Variants in CSMD3 observed in about 807,000 individuals in gnomAD.
The protein encoded by CSMD3 is CUB and sushi domain-containing protein 3.
Under a neutral mutation model 435.2 loss-of-function variants are expected in CSMD3, and 177 were observed. The observed-to-expected ratio is 0.41, with a 90% CI of 0.36 to 0.46. The LOEUF (loss-of-function observed/expected upper bound fraction) is 0.46. Ranked by LOEUF, CSMD3 falls within the 20% of genes least tolerant of loss-of-function variation. The pLI is 0.34. For missense variants in CSMD3, 4,265 were observed against 4,504.6 expected, an observed-to-expected ratio of 0.95 and a Z score of 1.52; for synonymous variants, 1,656 against 1,520.5, an observed-to-expected ratio of 1.09 and a Z score of -2.07.
chr8:112,604,430 T>G (rs1047340139), intron 22 of CSMD3, among the ~76,000 whole-genome samples: 6 of 151,952 alleles, frequency 3.9e-5, no homozygotes, highest in Non-Finnish European at 7.4e-5. Flanking sequence ...GATATAAAAA[T>G]AGAAATACAG....
intron 3 of CSMD3, among the ~76,000 whole-genome samples, chr8:113,248,936 A>C (rs2132286828): frequency 6.6e-6 from 1 of 152,088 alleles, no homozygotes; most frequent in South Asian, 2.1e-4. Flanking sequence ...TTCATATGAT[A>C]TATTAAGTCA....
At chr8:113,402,954 C>T (rs1358321492) in intron 1 of CSMD3, among the ~76,000 whole-genome samples, 1 of 151,072 alleles carries the variant, frequency 6.6e-6, no homozygotes. Flanking sequence ...AGTTATAAAT[C>T]AAGTGCACTA....
intron 40 of CSMD3, 34 bp downstream of exon 40, chr8:112,351,141 T>G (rs1203627805): frequency 7.9e-7 from 1 of 1,266,782 alleles, no homozygotes; most frequent in South Asian, 1.2e-5. Context: ...CACTTTAAGT[T>G]CTAGGGTAAA....
chr8:112,650,399 G>A (rs1415529501), intron 18 of CSMD3, 50 bp from the exon 19 acceptor site: 4 of 1,439,846 alleles, frequency 2.8e-6, no homozygotes, highest in South Asian at 1.1e-5. Flanking sequence ...GGGATTTGGA[G>A]TTGCTGAAAA....
chr8:113,431,875 A>G (rs2130085904), intron 1 of CSMD3, among the ~76,000 whole-genome samples: 1 of 152,308 alleles, frequency 6.6e-6, no homozygotes, highest in South Asian at 2.1e-4. Flanking sequence ...TTTTGTAGAC[A>G]CCAAATTTTG....
intron 10 of CSMD3, among the ~76,000 whole-genome samples, chr8:112,887,646 T>G (rs1287630797): frequency 6.6e-6 from 1 of 151,564 alleles, no homozygotes; most frequent in Non-Finnish European, 1.5e-5. Context: ...GTGTATTATT[T>G]TATAGTATGG....
chr8:112,878,925 G>C (rs181123566), intron 10 of CSMD3, among the ~76,000 whole-genome samples: 1 of 152,002 alleles, frequency 6.6e-6, no homozygotes, highest in East Asian at 1.9e-4. Flanking sequence ...CGTTATCTTC[G>C]TAAGCTGAGG....
chr8:112,665,932 A>G (rs1454080348), intron 17 of CSMD3, among the ~76,000 whole-genome samples: 1 of 152,078 alleles, frequency 6.6e-6, no homozygotes, highest in Non-Finnish European at 1.5e-5. Flanking sequence ...TGTTTACAGC[A>G]CCTTCGCCTC....
intron 3 of CSMD3, among the ~76,000 whole-genome samples, chr8:113,230,337 A>C (rs534053955): frequency 6.6e-6 from 1 of 151,712 alleles, no homozygotes; most frequent in East Asian, 1.9e-4. Context: ...AACACTAAGT[A>C]AATTTCCTTT....
intron 28 of CSMD3, among the ~76,000 whole-genome samples, chr8:112,511,752 T>A (rs1563639832): frequency 6.6e-6 from 1 of 152,140 alleles, no homozygotes. Flanking sequence ...CCGCGTAGCA[T>A]GTGATGCTAT....
intron 10 of CSMD3, among the ~76,000 whole-genome samples, chr8:112,875,395 C>T (rs1473621291): frequency 1.3e-5 from 2 of 152,042 alleles, no homozygotes; most frequent in Non-Finnish European, 2.9e-5. Context: ...GATTATATTT[C>T]TTGGGGTTGC....
chr8:112,374,577 T>C (rs1828764020), intron 38 of CSMD3, among the ~76,000 whole-genome samples: 1 of 152,150 alleles, frequency 6.6e-6, no homozygotes, highest in Non-Finnish European at 1.5e-5. Context: ...TTTGATAAAA[T>C]TATTATTTTT....
At chr8:113,127,559 T>C (rs1043832752) in intron 4 of CSMD3, among the ~76,000 whole-genome samples, 6 of 151,908 alleles carry the variant, frequency 3.9e-5, no homozygotes, top group Non-Finnish European at 8.8e-5. Flanking sequence ...ACTCATTCTA[T>C]CCTCAATAAA....
At position 113,012,018 on chromosome 8, in the gene CSMD3, C is replaced by A. The variant is rs565585940; in HGVS notation, c.1030+7049G>T. On this transcript the variant is annotated intron_variant, in intron 6 of 70. Transcript: ENST00000297405. ...TTTCCAAGTGAAAGTATTTATTTAG[C>A]ATTGAAGGAAACTTGAAGAAAGATG... is the stretch of plus-strand genomic sequence containing the variant. Among the ~76,000 whole-genome samples the A allele has an allele frequency of 2.0e-5, 3 of 151,704 alleles. No homozygotes were observed. In the East Asian group the frequency reaches 5.8e-4, roughly 29 times the overall value.
At chr8:113,065,775 G>T (rs2088828985) in intron 5 of CSMD3, among the ~76,000 whole-genome samples, 1 of 152,070 alleles carries the variant, frequency 6.6e-6, no homozygotes, top group Non-Finnish European at 1.5e-5. Context: ...TGAAGGTTAT[G>T]GGCATCACAG....
intron 35 of CSMD3, among the ~76,000 whole-genome samples, chr8:112,402,287 T>C (rs1831412272): frequency 6.6e-6 from 1 of 152,222 alleles, no homozygotes; most frequent in Admixed American, 6.5e-5. Context: ...GCTGATAATT[T>C]AGTACAATTC....
intron 45 of CSMD3, among the ~76,000 whole-genome samples, chr8:112,334,968 G>A (rs772592800): frequency 3.9e-5 from 6 of 152,152 alleles, no homozygotes; most frequent in Non-Finnish European, 8.8e-5. Context: ...ACAGCAGGTT[G>A]AATAGATTAA....
chr8:112,519,012 C>T (rs1157061932), intron 27 of CSMD3, among the ~76,000 whole-genome samples: 1 of 152,086 alleles, frequency 6.6e-6, no homozygotes, highest in Non-Finnish European at 1.5e-5. Context: ...GAAGTCCGCT[C>T]CTGTGATTCA....
intron 3 of CSMD3, among the ~76,000 whole-genome samples, chr8:113,229,214 G>A (rs1223100670): frequency 1.3e-5 from 2 of 151,612 alleles, no homozygotes; most frequent in Admixed American, 6.6e-5. Context: ...ACTCAGTACA[G>A]TGTAAAATTA....
Sources: gnomAD v4.1 joint callset for allele counts (sites outside exome capture counted in the v4.1 genomes callset) on GRCh38, gnomAD v4.1.1 for gene constraint, MANE v1.5 for transcripts, NCBI Gene and HGNC (gene_info 2026-07-23, HGNC 2026-07-21) for gene names.